UHRF2: variants seen among roughly 807,000 people sequenced by gnomAD.
UHRF2 encodes E3 ubiquitin-protein ligase UHRF2.
UHRF2 carries 23 observed loss-of-function variants against 96.8 expected under a neutral mutation model. That is an observed-to-expected ratio of 0.24 (90% CI 0.17 to 0.34). The LOEUF (loss-of-function observed/expected upper bound fraction) is 0.34. UHRF2 is among the 10% of genes least tolerant of loss of function. The pLI, the probability that UHRF2 is intolerant of heterozygous loss-of-function variation, is 1.00. For missense variants in UHRF2, 685 were observed against 981.5 expected (o/e 0.70, Z 4.04); for synonymous variants, 385 against 332.6 (o/e 1.16, Z -1.72).
At chr9:6,441,111 G>A (rs1821136873) in intron 3 of UHRF2, among the ~76,000 whole-genome samples, 2 of 152,132 alleles carry the variant, frequency 1.3e-5, no homozygotes. Context: ...CTGTGCAGTG[G>A]CTCATACCTG....
intron 9 of UHRF2, chr9:6,492,310 A>G: frequency 1.6e-6 from 2 of 1,253,588 alleles, no homozygotes; most frequent in Non-Finnish European, 2.1e-6. Context: ...AAGTTGACAG[A>G]GTTATGAATA....
chr9:6,436,224 A>T (rs918909217), intron 3 of UHRF2, among the ~76,000 whole-genome samples: 2 of 152,350 alleles, frequency 1.3e-5, no homozygotes, highest in South Asian at 2.1e-4. Flanking sequence ...GGATATCTGG[A>T]AATGAATCAA....
chr9:6,464,892 C>T (rs773065319), intron 4 of UHRF2, among the ~76,000 whole-genome samples: 8 of 152,078 alleles, frequency 5.3e-5, no homozygotes, highest in Non-Finnish European at 1.2e-4. Context: ...TTGCAGTCAT[C>T]TTTTCTCTTT....
chr9:6,461,445 T>C (rs1325629785), intron 4 of UHRF2, among the ~76,000 whole-genome samples: 1 of 142,374 alleles, frequency 7.0e-6, no homozygotes, highest in Non-Finnish European at 1.5e-5. Flanking sequence ...TGATCTTGGC[T>C]CACTGTAACC....
chr9:6,427,576 T>G (rs947730459), intron 2 of UHRF2, among the ~76,000 whole-genome samples: 21 of 152,060 alleles, frequency 1.4e-4, no homozygotes, highest in Non-Finnish European at 2.5e-4. Context: ...TCCCAGCTAC[T>G]TGGGAGGCTG....
intron 14 of UHRF2, among the ~76,000 whole-genome samples, chr9:6,502,390 TATAA>T (rs1472584185): frequency 6.6e-6 from 1 of 152,214 alleles, no homozygotes. Context: ...TTTAAGTCTG[TATAA>T]ATAGATTCCT....
chr9:6,505,932 C>T, intron 15 of UHRF2, 101 bp from the exon 16 acceptor site: 3 of 1,221,190 alleles, frequency 2.5e-6, no homozygotes, highest in African/African-American at 1.5e-5. Context: ...CTGTACATTT[C>T]TCTCATTACC....
intron 14 of UHRF2, 197 bp from the exon 15 acceptor site, chr9:6,504,396 A>G (rs1816473625): frequency 2.6e-6 from 1 of 385,638 alleles, no homozygotes; most frequent in East Asian, 4.2e-5. Context: ...ATTTTGGGAT[A>G]CATGTGAAAT....
rs577278054 is a variant in UHRF2 at position 6,486,330 on chromosome 9, A to G, written c.1393-491A>G. Among the ~76,000 whole-genome samples the G allele has an allele frequency of 5.9e-5, 9 of 152,344 alleles. No homozygotes were observed. The South Asian group carries it at 8.3e-4, about 14-fold the overall frequency. On this transcript the variant is annotated intron_variant, in intron 8 of 15. Transcript: ENST00000276893. The stretch of plus-strand genomic sequence containing the variant: ...TTTGAGAAATTTAGGAGGTAAAATC[A>G]GCAATCCTTGTAACCAAAAGGGTTT...
rs141724018 is a variant in UHRF2 at position 6,506,101 on chromosome 9, G to C, written c.2331G>C (p.Gln777His). ...SCPACRHDLG[Q>H]NYIMIPNEIL... ...CTGCTTGCCGGCATGATCTTGGCCA[G>C]AATTACATCATGATTCCCAATGAGA... Residue 777 changes from glutamine to histidine, a missense_variant, in exon 16 of 16, where the codon CAG (glutamine) becomes CAC (histidine). Around this residue, in one of 6 missense-constraint regions of UHRF2, gnomAD observed 71 missense variants for 114.1 expected, o/e 0.62. Coordinates refer to ENST00000276893, the MANE Select transcript of UHRF2 (RefSeq NM_152896.3). The C allele has an allele frequency of 1.9e-6, 3 of 1,614,008 alleles. No homozygotes were observed. Among genetic ancestry groups the C allele is most frequent in the African/African-American group, 1.3e-5 (1 of 74,892 alleles).
intron 4 of UHRF2, chr9:6,468,563 A>G (rs1351020801): frequency 2.2e-6 from 1 of 456,082 alleles, no homozygotes; most frequent in East Asian, 6.9e-5. Flanking sequence ...TGTAAAATCT[A>G]GTTCAGAGCA....
chr9:6,473,280 T>A lies in UHRF2; in HGVS notation c.864-2111T>A, dbSNP rs1352195868. ...GTGGGTTGAGACATACCAAATATAT[T>A]TAAATCCATGAGTCCATAGTAACAC... On this transcript the variant is annotated intron_variant, in intron 4 of 15. Transcript: ENST00000276893. 2.0e-5 allele frequency among the ~76,000 whole-genome samples: 3 copies of A among 152,200 alleles called. No individual in the cohort carries two copies. In the South Asian group the frequency reaches 6.2e-4, roughly 31 times the overall value.
chr9:6,453,411 C>T (rs777141810), intron 3 of UHRF2, among the ~76,000 whole-genome samples: 3 of 152,118 alleles, frequency 2.0e-5, no homozygotes, highest in Non-Finnish European at 2.9e-5. Context: ...TTTCACTTTA[C>T]AGCTGAGAAA....
chr9:6,434,086 C>T lies in UHRF2; in HGVS notation c.557C>T (p.Thr186Ile). ...ATAAAGCATAAATCCAAAGAGAACA[C>T]AAATAAATTGGACAGTGTACCCTCT... ...GNIKHKSKEN[T>I]NKLDSVPSTS... is the part of the protein sequence containing the mutation. Residue 186 changes from threonine to isoleucine, a missense_variant, in exon 3 of 16, where the codon ACA (threonine) becomes ATA (isoleucine). Physicochemically the swap from Thr to Ile is moderately conservative, Grantham distance 89. Around this residue, in one of 6 missense-constraint regions of UHRF2, gnomAD observed 391 missense variants for 437.0 expected, o/e 0.89. Transcript: ENST00000276893. The T allele has an allele frequency of 6.2e-7, 1 of 1,614,098 alleles. No individual in the cohort carries two copies. Among genetic ancestry groups the T allele is most frequent in the Non-Finnish European group, 8.5e-7 (1 of 1,179,996 alleles).
intron 4 of UHRF2, among the ~76,000 whole-genome samples, chr9:6,463,779 T>G (rs577547806): frequency 6.7e-6 from 1 of 148,564 alleles, no homozygotes; most frequent in Non-Finnish European, 1.5e-5. Flanking sequence ...AGAAAAAAAA[T>G]TTTTTTTTTT....
intron 2 of UHRF2, chr9:6,422,630 G>C (rs1819996751): frequency 1.6e-6 from 1 of 633,978 alleles, no homozygotes; most frequent in East Asian, 3.0e-5. Flanking sequence ...CTTTTTTTGA[G>C]ACAGGGTCTG....
intron 1 of UHRF2, among the ~76,000 whole-genome samples, chr9:6,418,379 T>G (rs1819736548): frequency 6.6e-6 from 1 of 152,016 alleles, no homozygotes. Context: ...CATGGTAACT[T>G]GTGAGGTAGT....
In UHRF2 at chr9:6,455,688, A is replaced by G. The variant is rs111880032; in HGVS notation, c.645-4885A>G. 6.2e-3 allele frequency among the ~76,000 whole-genome samples: 938 copies of G among 152,276 alleles called. 5 individuals carry two copies. The highest frequency in any genetic ancestry group is 0.02 in the African/African-American group (849 of 41,538). ...CTGATGATATCAGGAAGTTAGGCCT[A>G]AAAGTGAAGAACCTGGCTCAGCATG... is the stretch of plus-strand genomic sequence containing the variant. On this transcript the variant is annotated intron_variant, in intron 3 of 15. Coordinates refer to ENST00000276893, the MANE Select transcript of UHRF2 (RefSeq NM_152896.3).
At chr9:6,421,986 A>T (rs536329051) in intron 2 of UHRF2, among the ~76,000 whole-genome samples, 1 of 152,240 alleles carries the variant, frequency 6.6e-6, no homozygotes, top group East Asian at 1.9e-4. Context: ...ATACCGCGGT[A>T]TATTTAATCC....
Sources: allele counts gnomAD v4.1 joint callset (sites outside exome capture counted in the v4.1 genomes callset), GRCh38; gene constraint gnomAD v4.1.1; regional missense constraint gnomAD v4.1.1; transcripts MANE v1.5; gene names NCBI Gene and HGNC (gene_info 2026-07-23, HGNC 2026-07-21).